GRAMD1B: variants seen among roughly 807,000 people sequenced by gnomAD.
GRAMD1B encodes GRAM domain containing 1B, also known as protein Aster-B.
A neutral mutation model predicts 99.7 loss-of-function variants in GRAMD1B; 37 were observed. That is an observed-to-expected ratio of 0.37 (90% CI 0.29 to 0.49). GRAMD1B has a LOEUF of 0.49. Ranked by LOEUF, GRAMD1B falls within the 20% of genes least tolerant of loss-of-function variation. The pLI is 0.98. For missense variants in GRAMD1B, 888 were observed against 1,009.2 expected (o/e 0.88, Z 1.63); for synonymous variants, 427 against 387.6 (o/e 1.10, Z -1.19).
chr11:123,554,466 A>C (rs1445488452), intron 2 of GRAMD1B, among the ~76,000 whole-genome samples: 1 of 147,546 alleles, frequency 6.8e-6, no homozygotes, highest in Admixed American at 7.0e-5. Context: ...AGGTGGGAGG[A>C]TCGCTTGAGC....
intron 2 of GRAMD1B, chr11:123,526,141 C>G: frequency 1.2e-6 from 2 of 1,612,612 alleles, no homozygotes; most frequent in Non-Finnish European, 8.5e-7. Context: ...ATTATCGTGA[C>G]TGTACTAATG....
rs117966099 is a variant in GRAMD1B at position 123,575,712 on chromosome 11, G to A, written c.453-1655G>A. Among the ~76,000 whole-genome samples the A allele has an allele frequency of 7.1e-4, 107 of 151,682 alleles. 1 individual carries two copies. The East Asian group carries it at 0.02, about 28-fold the overall frequency. On this transcript the variant is annotated intron_variant, in intron 2 of 19. Transcript: ENST00000635736. ...TGGATCTGCCTGCCACCAGCCCCACGGCCTGGCATCTCTAACCAAAGTAAA... is the reference window on the plus strand; with the variant it reads ...TGGATCTGCCTGCCACCAGCCCCACAGCCTGGCATCTCTAACCAAAGTAAA...
rs1469067893 is a variant in GRAMD1B, at chr11:123,591,956, G to A, written c.685-2126G>A. ...GCCCCCTCGATTTGCCTGCGGGTTGGAGATGGTGGCCAAACGCCCTGTACC... is the reference window on the plus strand; with the variant it reads ...GCCCCCTCGATTTGCCTGCGGGTTGAAGATGGTGGCCAAACGCCCTGTACC... On this transcript the variant is annotated intron_variant, in intron 4 of 19. Coordinates refer to ENST00000635736, the MANE Select transcript of GRAMD1B (RefSeq NM_001387025.1). The surrounding 1 kb of genome is among the most constrained non-coding windows in gnomAD (Gnocchi z 4.7). Among the ~76,000 whole-genome samples, 1 of 152,220 alleles carries A rather than the reference G, an allele frequency of 6.6e-6. No homozygotes were observed. Among genetic ancestry groups the A allele is most frequent in the East Asian group, 1.9e-4 (1 of 5,192 alleles).
At chr11:123,408,203 C>T (rs547190383) in intron 1 of GRAMD1B, among the ~76,000 whole-genome samples, 141 of 152,302 alleles carry the variant, frequency 9.3e-4, no homozygotes, top group African/African-American at 3.2e-3. Flanking sequence ...GTGGACTTAA[C>T]GCTTTCTCAG....
chr11:123,465,273 A>T (rs1265752660), intron 1 of GRAMD1B, among the ~76,000 whole-genome samples: 1 of 152,190 alleles, frequency 6.6e-6, no homozygotes, highest in African/African-American at 2.4e-5. Flanking sequence ...GCCCAAGTCG[A>T]TGGCTCCTTA....
At chr11:123,453,802 G>A (rs1949994839) in intron 1 of GRAMD1B, among the ~76,000 whole-genome samples, 1 of 152,198 alleles carries the variant, frequency 6.6e-6, no homozygotes, top group African/African-American at 2.4e-5. Flanking sequence ...GATCTTGCCT[G>A]TTTTATTATA....
At chr11:123,440,407 G>A (rs1335973802) in intron 1 of GRAMD1B, among the ~76,000 whole-genome samples, 2 of 152,176 alleles carry the variant, frequency 1.3e-5, no homozygotes, top group African/African-American at 4.8e-5. Flanking sequence ...CTACTCGGGA[G>A]GCTGAGACGG....
At chr11:123,597,990 C>T (rs1951495343) in intron 7 of GRAMD1B, 1 of 1,216,342 alleles carries the variant, frequency 8.2e-7, no homozygotes. Flanking sequence ...TTCTTATTCA[C>T]AGCATTCCCA....
chr11:123,607,313 C>T (rs1952875996), intron 11 of GRAMD1B, among the ~76,000 whole-genome samples: 2 of 152,198 alleles, frequency 1.3e-5, no homozygotes, highest in Admixed American at 6.5e-5. Flanking sequence ...TAACTTCATG[C>T]CTGCATAGGA....
intron 2 of GRAMD1B, among the ~76,000 whole-genome samples, chr11:123,525,073 A>G (rs368464102): frequency 6.6e-5 from 10 of 152,264 alleles, no homozygotes; most frequent in African/African-American, 2.4e-4. Context: ...ATCTTCTTGG[A>G]GCCCAGGATT....
chr11:123,471,702 C>T (rs1298955985), intron 1 of GRAMD1B, among the ~76,000 whole-genome samples: 2 of 152,090 alleles, frequency 1.3e-5, no homozygotes, highest in East Asian at 3.9e-4. Flanking sequence ...GTGCACATTG[C>T]AATAGATTAA....
chr11:123,527,401 G>C (rs1942901903), intron 2 of GRAMD1B, among the ~76,000 whole-genome samples: 1 of 152,194 alleles, frequency 6.6e-6, no homozygotes, highest in African/African-American at 2.4e-5. Context: ...GCACTTTGCA[G>C]AAGGCAAAGG....
chr11:123,439,141 A>G (rs1949295868), intron 1 of GRAMD1B, among the ~76,000 whole-genome samples: 1 of 152,190 alleles, frequency 6.6e-6, no homozygotes, highest in Non-Finnish European at 1.5e-5. Flanking sequence ...GTGGGAATCT[A>G]TGAGCTCTTC....
rs899743678 is a variant in GRAMD1B, at chr11:123,486,137, G to A, written c.452+5244G>A. ...GTAAAGAATACATGAGAAAACATTC[G>A]TAAAGAGCCATTAAGTGGATGCTTA... is the stretch of plus-strand genomic sequence containing the variant. On this transcript the variant is annotated intron_variant, in intron 2 of 19. Transcript: ENST00000635736. Among the ~76,000 whole-genome samples, 12 of 152,188 alleles carry A rather than the reference G, an allele frequency of 7.9e-5. No individual in the cohort carries two copies. In the East Asian group the frequency reaches 1.2e-3, roughly 15 times the overall value.
intron 2 of GRAMD1B, among the ~76,000 whole-genome samples, chr11:123,562,099 C>A (rs1946834776): frequency 6.6e-6 from 1 of 152,168 alleles, no homozygotes; most frequent in South Asian, 2.1e-4. Flanking sequence ...CCTGTAATCC[C>A]AGCACTTCGG....
chr11:123,572,173 T>TA (rs1480640409), intron 2 of GRAMD1B, among the ~76,000 whole-genome samples: 2 of 152,202 alleles, frequency 1.3e-5, no homozygotes, highest in African/African-American at 4.8e-5. Context: ...TCAGGTTTCT[T>TA]ACATGTGAAG....
chr11:123,360,834 T>TCCTTCCTC (rs1324278152), intron 1 of GRAMD1B, among the ~76,000 whole-genome samples: 1 of 123,552 alleles, frequency 8.1e-6, no homozygotes, highest in Non-Finnish European at 1.6e-5. Flanking sequence ...CTTCCTTCCT[T>TCCTTCCTC]CCATGGAGTT....
chr11:123,593,365 TG>T (rs374115928), intron 4 of GRAMD1B, among the ~76,000 whole-genome samples: 1 of 151,970 alleles, frequency 6.6e-6, no homozygotes, highest in Non-Finnish European at 1.5e-5. Context: ...CATGTTGCAG[TG>T]GGGGGAAGTG....
At chr11:123,444,005 G>A (rs1488551498) in intron 1 of GRAMD1B, among the ~76,000 whole-genome samples, 1 of 152,208 alleles carries the variant, frequency 6.6e-6, no homozygotes, top group Non-Finnish European at 1.5e-5. Flanking sequence ...TTCTTATTAT[G>A]TAGATGAAGT....
Sources: allele counts gnomAD v4.1 joint callset (sites outside exome capture counted in the v4.1 genomes callset), GRCh38; gene constraint gnomAD v4.1.1; non-coding constraint Gnocchi (gnomAD v3.1); transcripts MANE v1.5; gene names NCBI Gene and HGNC (gene_info 2026-07-23, HGNC 2026-07-21).